Variants in GABRP observed in about 807,000 individuals in gnomAD.
The protein encoded by GABRP is gamma-aminobutyric acid receptor subunit pi.
A neutral mutation model predicts 47.8 loss-of-function variants in GABRP; 52 were observed. That is an observed-to-expected ratio of 1.09 (90% CI 0.87 to 1.37). GABRP has a LOEUF of 1.37. GABRP is among the 40% of genes most tolerant of loss of function. The pLI is 0.00. For synonymous variants in GABRP, 221 were observed against 205.8 expected (o/e 1.07, Z -0.63); for missense variants, 525 against 542.8 (o/e 0.97, Z 0.33).
At chr5:170,799,591 G>A in intron 6 of GABRP, among the ~76,000 whole-genome samples, 1 of 152,174 alleles carries the variant, frequency 6.6e-6, no homozygotes, top group East Asian at 1.9e-4. Flanking sequence ...TTTGAGAAGT[G>A]TCTGTTCATA....
rs556994286 is a variant in GABRP at position 170,811,644 on chromosome 5, G to A, written c.1021-312G>A. 1.1e-4 allele frequency among the ~76,000 whole-genome samples: 17 copies of A among 152,312 alleles called. No individual in the cohort carries two copies. In the South Asian group the frequency reaches 2.3e-3, roughly 20 times the overall value. ...GTTTCACAATAGTGAGAGGCCGAAT[G>A]GAATTTGAACCCAGGTCCACTAACT... On this transcript the variant is annotated intron_variant, in intron 9 of 9. Transcript: ENST00000265294.
chr5:170,790,910 G>A (rs1402919804), intron 3 of GABRP, among the ~76,000 whole-genome samples: 2 of 152,152 alleles, frequency 1.3e-5, no homozygotes, highest in East Asian at 3.9e-4. Context: ...GTTGGAGATG[G>A]GAGAGATGCA....
intron 3 of GABRP, among the ~76,000 whole-genome samples, chr5:170,793,911 G>C (rs557936858): frequency 2.6e-5 from 4 of 151,886 alleles, no homozygotes; most frequent in East Asian, 3.9e-4. Flanking sequence ...CTCCAGCCTG[G>C]GCAAGAAGAG....
intron 3 of GABRP, among the ~76,000 whole-genome samples, chr5:170,792,918 T>A (rs1019705384): frequency 5.9e-5 from 9 of 152,166 alleles, no homozygotes; most frequent in African/African-American, 1.9e-4. Context: ...TGCAAGTGAA[T>A]GCTATTGCAT....
intron 9 of GABRP, 99 bp downstream of exon 9, chr5:170,809,854 A>C: frequency 8.9e-7 from 1 of 1,123,020 alleles, no homozygotes; most frequent in Non-Finnish European, 1.3e-6. Context: ...CCCCACCCGC[A>C]GTGATTCCCT....
At chr5:170,804,855 A>C (rs1004070512) in intron 6 of GABRP, among the ~76,000 whole-genome samples, 7 of 151,864 alleles carry the variant, frequency 4.6e-5, no homozygotes, top group Admixed American at 2.0e-4. Flanking sequence ...GTTTTCAAGA[A>C]TAATGTGGGA....
rs116333541 is a variant in GABRP, at chr5:170,791,542, C to T, written c.172+2295C>T. ...TGACCTCGTTCCTGGGAGAAAGCTGCCCTCTGGTGGCACAGCTTGCTTTTA... is the reference window on the plus strand; with the variant it reads ...TGACCTCGTTCCTGGGAGAAAGCTGTCCTCTGGTGGCACAGCTTGCTTTTA... On this transcript the variant is annotated intron_variant, in intron 3 of 9. Coordinates refer to ENST00000265294, the MANE Select transcript of GABRP (RefSeq NM_014211.3). Among the ~76,000 whole-genome samples, 101 of 152,322 alleles carry T rather than the reference C, an allele frequency of 6.6e-4. 1 individual carries two copies. Among genetic ancestry groups the T allele is most frequent in the African/African-American group, 2.4e-3 (100 of 41,568 alleles).
At chr5:170,809,954 A>G (rs189932564) in intron 9 of GABRP, 199 bp downstream of exon 9, 22 of 701,728 alleles carry the variant, frequency 3.1e-5, no homozygotes, top group Middle Eastern at 2.3e-4. Context: ...ACCAAATACA[A>G]TGAGATATTA....
intron 3 of GABRP, among the ~76,000 whole-genome samples, chr5:170,793,963 G>A (rs972399885): frequency 1.3e-5 from 2 of 151,874 alleles, no homozygotes; most frequent in Non-Finnish European, 1.5e-5. Flanking sequence ...TAATTAAAAA[G>A]CATTAATTAT....
rs929762 is a variant in GABRP at position 170,783,816 on chromosome 5, T to C, written c.-101T>C. Reference sequence around the variant, plus strand: ...GGGACCCAGAAGACCGTGCCTTGCCTGGAAGTCCTGCCTGTAGGCCTGAAG... The same window carrying C: ...GGGACCCAGAAGACCGTGCCTTGCCCGGAAGTCCTGCCTGTAGGCCTGAAG... On this transcript the variant is annotated 5_prime_UTR_variant, in exon 1 of 10. Transcript: ENST00000265294. 0.52 allele frequency: 79,597 copies of C among 152,194 alleles called. 21,560 individuals are homozygous for C. The highest frequency in any genetic ancestry group is 0.75 in the East Asian group (3,867 of 5,158). The allele number at this position is 152,194 out of a possible 1,614,324, so 9.4% of individuals were successfully genotyped here. A position where few individuals can be genotyped will look rare whatever the true frequency, so the allele number is the denominator to read the frequency against.
intron 5 of GABRP, among the ~76,000 whole-genome samples, chr5:170,796,107 C>T (rs1765419899): frequency 6.6e-6 from 1 of 152,206 alleles, no homozygotes; most frequent in South Asian, 2.1e-4. Context: ...CTAAAGCTCC[C>T]AGAGGCCTTG....
Position 170,808,621 on chromosome 5 carries a change from T to C in GABRP, c.701T>C (p.Leu234Ser), listed in dbSNP as rs776521242. 18 of 1,614,124 alleles carry C rather than the reference T, an allele frequency of 1.1e-5. No individual in the cohort carries two copies. Among genetic ancestry groups the C allele is most frequent in the Non-Finnish European group, 1.5e-5 (18 of 1,179,976 alleles). Reference protein sequence around the residue: ...QETGNYTRLVLQFELRRNVLY... With the variant: ...QETGNYTRLVSQFELRRNVLY... ...TCAGGAAATTACACTAGATTGGTCTTACAGTTTGAGCTTCGGAGGAATGTT... is the reference window on the plus strand; with the variant it reads ...TCAGGAAATTACACTAGATTGGTCTCACAGTTTGAGCTTCGGAGGAATGTT... The change falls in exon 8 of 10, where the codon TTA becomes TCA. Residue 234 changes from leucine to serine, a missense_variant. By Grantham distance (145) the Leu-to-Ser change is moderately radical (BLOSUM62 -2). Transcript: ENST00000265294.
intron 1 of GABRP, among the ~76,000 whole-genome samples, chr5:170,787,802 G>T (rs1231282027): frequency 1.3e-5 from 2 of 152,190 alleles, no homozygotes; most frequent in African/African-American, 4.8e-5. Flanking sequence ...GACACTGGAG[G>T]CTCTCAGGTT....
intron 6 of GABRP, among the ~76,000 whole-genome samples, chr5:170,805,060 T>A (rs1172916742): frequency 6.7e-6 from 1 of 148,438 alleles, no homozygotes; most frequent in Non-Finnish European, 1.5e-5. Context: ...AACTACAAGA[T>A]CCAGTTCAAT....
At chr5:170,804,124 A>G (rs1253190538) in intron 6 of GABRP, among the ~76,000 whole-genome samples, 1 of 151,980 alleles carries the variant, frequency 6.6e-6, no homozygotes, top group East Asian at 1.9e-4. Context: ...AGGTTCACAC[A>G]TGTTATGGCT....
At chr5:170,806,334 G>A (rs552498586) in intron 7 of GABRP, among the ~76,000 whole-genome samples, 132 of 152,278 alleles carry the variant, frequency 8.7e-4, no homozygotes, top group Middle Eastern at 3.4e-3. Context: ...ACATAGACAT[G>A]TTTGGAAAGA....
intron 6 of GABRP, among the ~76,000 whole-genome samples, chr5:170,804,957 C>T (rs909487106): frequency 7.0e-5 from 10 of 142,458 alleles, no homozygotes; most frequent in Non-Finnish European, 1.2e-4. Flanking sequence ...TATTAAAATA[C>T]ATATATACGT....
chr5:170,805,685 G>A (rs371756685), intron 6 of GABRP, 31 bp from the exon 7 acceptor site: 1 of 1,613,264 alleles, frequency 6.2e-7, no homozygotes, highest in East Asian at 2.2e-5. Context: ...GAACACCCTT[G>A]CACTGACCAG....
chr5:170,802,724 C>A (rs960498709), intron 6 of GABRP, among the ~76,000 whole-genome samples: 2 of 150,684 alleles, frequency 1.3e-5, no homozygotes, highest in African/African-American at 4.9e-5. Flanking sequence ...CTCTGTTTCA[C>A]ATATACCATC....
Sources: gnomAD v4.1 joint callset for allele counts (sites outside exome capture counted in the v4.1 genomes callset) on GRCh38, gnomAD v4.1.1 for gene constraint, MANE v1.5 for transcripts, NCBI Gene and HGNC (gene_info 2026-07-23, HGNC 2026-07-21) for gene names.